AGK: variants seen among roughly 807,000 people sequenced by gnomAD.
The protein encoded by AGK is acylglycerol kinase, also known as acylglycerol kinase, mitochondrial.
Under a neutral mutation model 66.4 loss-of-function variants are expected in AGK, and 52 were observed. That is an observed-to-expected ratio of 0.78 (90% CI 0.63 to 0.99). The LOEUF is 0.99. Ranked by LOEUF, AGK falls within the 50% of genes least tolerant of loss-of-function variation. The pLI, the probability that AGK is intolerant of heterozygous loss-of-function variation, is 0.00. For missense variants in AGK, 451 were observed against 506.6 expected (o/e 0.89, Z 1.05); for synonymous variants, 182 against 181.1 (o/e 1.00, Z -0.04).
At chr7:141,592,825 TC>T (rs1029035476) in intron 2 of AGK, among the ~76,000 whole-genome samples, 91 of 152,234 alleles carry the variant, frequency 6.0e-4, no homozygotes, top group African/African-American at 2.1e-3. Flanking sequence ...TGCCCCAGTC[TC>T]CCGAGTAGTT....
intron 2 of AGK, among the ~76,000 whole-genome samples, chr7:141,587,677 T>C (rs1796022231): frequency 6.6e-6 from 1 of 152,234 alleles, no homozygotes; most frequent in Non-Finnish European, 1.5e-5. Flanking sequence ...TTCAATGTCA[T>C]ATCCTGTAAA....
At chr7:141,578,190 ATGGGG>A (rs750320731) in intron 2 of AGK, among the ~76,000 whole-genome samples, 1 of 151,128 alleles carries the variant, frequency 6.6e-6, no homozygotes, top group Admixed American at 6.6e-5. Context: ...GCGAAGGGAG[ATGGGG>A]TGGGGCCATT....
rs778290673 is a variant in AGK at position 141,654,400 on chromosome 7, G to A, written c.*1476G>A. On this transcript the variant is annotated 3_prime_UTR_variant, in exon 16 of 16. Coordinates refer to ENST00000649286, the MANE Select transcript of AGK (RefSeq NM_018238.4). ...CATAAATTCGATGGAATAGAATTAC[G>A]TTAACAATGTTTTTACAGTTCTTTG... The A allele has an allele frequency of 3.9e-5, 6 of 152,150 alleles. No individual in the cohort carries two copies. Among genetic ancestry groups the A allele is most frequent in the Non-Finnish European group, 7.3e-5 (5 of 68,032 alleles). 9.4% of individuals were successfully genotyped at this position (152,150 alleles called of 1,614,324 possible).
chr7:141,647,520 C>T (rs571535817), intron 13 of AGK, among the ~76,000 whole-genome samples: 20 of 152,238 alleles, frequency 1.3e-4, no homozygotes, highest in African/African-American at 2.4e-4. Context: ...TGCTCATCCC[C>T]GGATTAGGGG....
At chr7:141,615,688 G>A (rs1053156434) in intron 8 of AGK, 123 bp downstream of exon 8, 3 of 786,254 alleles carry the variant, frequency 3.8e-6, no homozygotes, top group African/African-American at 3.4e-5. Context: ...TTAAGAGGAG[G>A]ACCTAGATCA....
intron 2 of AGK, among the ~76,000 whole-genome samples, chr7:141,563,073 GT>G (rs781183686): frequency 4.7e-4 from 72 of 152,314 alleles, no homozygotes; most frequent in Admixed American, 1.9e-3. Flanking sequence ...GGGAATCACG[GT>G]TTTTCGTCTG....
intron 9 of AGK, among the ~76,000 whole-genome samples, chr7:141,629,714 C>T (rs1797015495): frequency 6.6e-6 from 1 of 152,068 alleles, no homozygotes; most frequent in Non-Finnish European, 1.5e-5. Context: ...TACAGCACTC[C>T]ACATCAGTGG....
chr7:141,603,557 G>T (rs1245732145), intron 5 of AGK, among the ~76,000 whole-genome samples: 1 of 152,094 alleles, frequency 6.6e-6, no homozygotes, highest in Non-Finnish European at 1.5e-5. Context: ...AAGCATGAAA[G>T]CAGGATATTG....
At chr7:141,596,526 G>T in intron 3 of AGK, 36 bp from the exon 4 acceptor site, 1 of 1,568,922 alleles carries the variant, frequency 6.4e-7, no homozygotes, top group Non-Finnish European at 8.8e-7. Context: ...CAAATAAATG[G>T]ACTTTTACTG....
intron 5 of AGK, among the ~76,000 whole-genome samples, chr7:141,608,544 G>A (rs761615689): frequency 6.6e-5 from 10 of 152,128 alleles, no homozygotes; most frequent in Non-Finnish European, 1.2e-4. Context: ...AGGGGAAAAT[G>A]TCAGCTTTGT....
intron 4 of AGK, among the ~76,000 whole-genome samples, chr7:141,599,672 A>C (rs545303769): frequency 6.6e-6 from 1 of 152,280 alleles, no homozygotes; most frequent in Non-Finnish European, 1.5e-5. Context: ...CTTTCCTATC[A>C]ATCTAGTAAT....
rs1358668950 is a variant in AGK, at chr7:141,555,309, G to C, written c.-14-144G>C. On this transcript the variant is annotated intron_variant, in intron 1 of 15. Coordinates refer to ENST00000649286, the MANE Select transcript of AGK (RefSeq NM_018238.4). This position sits in a 1 kb window ranked among gnomAD's most constrained non-coding sequence, Gnocchi z 4.2. ...AGGGAGAAGATGAGCTGAGGCCAGAGGAGAAGTGGTAAGGAGGAAGAGGAG... is the reference window on the plus strand; with the variant it reads ...AGGGAGAAGATGAGCTGAGGCCAGACGAGAAGTGGTAAGGAGGAAGAGGAG... The C allele has an allele frequency of 1.8e-6, 1 of 551,192 alleles. No individual in the cohort carries two copies. 34.1% of individuals were successfully genotyped at this position (551,192 alleles called of 1,614,324 possible). A position where few individuals can be genotyped will look rare whatever the true frequency, so the allele number is the denominator to read the frequency against.
chr7:141,616,756 T>G (rs1337754171), intron 8 of AGK, among the ~76,000 whole-genome samples: 2 of 151,462 alleles, frequency 1.3e-5, no homozygotes, highest in African/African-American at 4.8e-5. Flanking sequence ...TTTTTTCTTT[T>G]TCTTTCTTTT....
chr7:141,646,543 A>G (rs963078703), intron 13 of AGK, among the ~76,000 whole-genome samples: 7 of 152,196 alleles, frequency 4.6e-5, no homozygotes, highest in Non-Finnish European at 1.0e-4. Context: ...AGGTAACTTA[A>G]TTGTGCCTCC....
chr7:141,586,540 G>C (rs1220151161), intron 2 of AGK, among the ~76,000 whole-genome samples: 2 of 152,274 alleles, frequency 1.3e-5, no homozygotes, highest in African/African-American at 4.8e-5. Context: ...AGAAAATGGT[G>C]AATTATCCAT....
At chr7:141,652,123 G>A (rs553053444) in intron 15 of AGK, among the ~76,000 whole-genome samples, 22 of 149,342 alleles carry the variant, frequency 1.5e-4, no homozygotes, top group Admixed American at 5.6e-4. Flanking sequence ...TTGTCAATAC[G>A]GAAAAAAAGG....
At chr7:141,580,604 A>G (rs1795862081) in intron 2 of AGK, among the ~76,000 whole-genome samples, 1 of 152,002 alleles carries the variant, frequency 6.6e-6, no homozygotes, top group Admixed American at 6.5e-5. Context: ...TGTGAGGAAG[A>G]AAATAGATTT....
chr7:141,562,251 C>A (rs1028393333), intron 2 of AGK: 2 of 448,710 alleles, frequency 4.5e-6, no homozygotes, highest in African/African-American at 4.0e-5. Context: ...AGCAGTGTTA[C>A]TCTGTCATGA....
chr7:141,610,278 A>G (rs1322098398), intron 5 of AGK, among the ~76,000 whole-genome samples: 1 of 152,022 alleles, frequency 6.6e-6, no homozygotes, highest in Non-Finnish European at 1.5e-5. Flanking sequence ...AGATATATAT[A>G]TATTTTTATT....
Sources: allele counts gnomAD v4.1 joint callset (sites outside exome capture counted in the v4.1 genomes callset), GRCh38; gene constraint gnomAD v4.1.1; non-coding constraint Gnocchi (gnomAD v3.1); transcripts MANE v1.5; gene names NCBI Gene and HGNC (gene_info 2026-07-23, HGNC 2026-07-21).